MGAT4C: variants seen among roughly 807,000 people sequenced by gnomAD.
MGAT4C encodes MGAT4 family member C.
In MGAT4C, 19 loss-of-function variants were observed where a neutral mutation model predicts 40.1. The observed-to-expected ratio is 0.47, with a 90% CI of 0.33 to 0.70. The LOEUF (loss-of-function observed/expected upper bound fraction) is 0.70, where lower values mean the gene tolerates loss of function less well. MGAT4C is among the 30% of genes least tolerant of loss of function. The pLI is 0.02. For missense variants in MGAT4C, 491 were observed against 563.2 expected, an observed-to-expected ratio of 0.87 and a Z score of 1.30; for synonymous variants, 181 against 187.1, an observed-to-expected ratio of 0.97 and a Z score of 0.27.
intron 2 of MGAT4C, among the ~76,000 whole-genome samples, chr12:86,701,684 C>T (rs1186430341): frequency 6.6e-6 from 1 of 152,098 alleles, no homozygotes; most frequent in African/African-American, 2.4e-5. Context: ...CAAAGCTAGA[C>T]ATGAGTAAGC....
At chr12:86,341,174 C>T (rs1954897515) in intron 3 of MGAT4C, among the ~76,000 whole-genome samples, 1 of 152,106 alleles carries the variant, frequency 6.6e-6, no homozygotes. Context: ...CAATGGCCCA[C>T]CTGGCAGCAA....
chr12:86,137,088 T>C (rs1055059516), intron 1 of MGAT4C, among the ~76,000 whole-genome samples: 1 of 152,214 alleles, frequency 6.6e-6, no homozygotes, highest in Non-Finnish European at 1.5e-5. Flanking sequence ...CTGTTTAGTG[T>C]CTGTCAGGAT....
chr12:86,002,708 A>G (rs1887459932), intron 2 of MGAT4C, among the ~76,000 whole-genome samples: 1 of 149,418 alleles, frequency 6.7e-6, no homozygotes, highest in Admixed American at 6.7e-5. Context: ...TATATAGAAT[A>G]TATATTACAT....
chr12:86,152,767 C>T lies in MGAT4C; in HGVS notation c.-56-103044G>A, dbSNP rs139562354. ...GAAATATGAGAGTATGTAGTTCTAG[C>T]CAAGTAATGTCCTTGTTAACACATA... is the stretch of plus-strand genomic sequence containing the variant. On this transcript the variant is annotated intron_variant, in intron 1 of 4. Coordinates refer to ENST00000611864, the MANE Select transcript of MGAT4C (RefSeq NM_001351288.2). Among the ~76,000 whole-genome samples, 60 of 152,302 alleles carry T rather than the reference C, an allele frequency of 3.9e-4. 1 individual carries two copies. In the East Asian group the frequency reaches 0.01, roughly 26 times the overall value.
At chr12:86,545,066 T>G (rs1959186309) in intron 2 of MGAT4C, among the ~76,000 whole-genome samples, 1 of 152,016 alleles carries the variant, frequency 6.6e-6, no homozygotes. Flanking sequence ...TTCATAAATA[T>G]TTCTCGCTAT....
chr12:86,722,979 A>G (rs1200204301), intron 2 of MGAT4C, among the ~76,000 whole-genome samples: 2 of 152,118 alleles, frequency 1.3e-5, no homozygotes, highest in Non-Finnish European at 2.9e-5. Flanking sequence ...CGTCCTATTA[A>G]TTATTTGTGT....
intron 2 of MGAT4C, among the ~76,000 whole-genome samples, chr12:85,990,418 T>C (rs1469944926): frequency 6.6e-6 from 1 of 152,198 alleles, no homozygotes; most frequent in Admixed American, 6.5e-5. Flanking sequence ...AATCAACACA[T>C]TGATAACCTG....
chr12:86,227,395 T>C (rs527458897), intron 1 of MGAT4C, among the ~76,000 whole-genome samples: 1 of 152,006 alleles, frequency 6.6e-6, no homozygotes, highest in East Asian at 1.9e-4. Flanking sequence ...TGACTTACTA[T>C]TTCTCTCTGT....
At chr12:86,521,767 C>CT (rs1476426618) in intron 2 of MGAT4C, among the ~76,000 whole-genome samples, 1 of 151,882 alleles carries the variant, frequency 6.6e-6, no homozygotes, top group African/African-American at 2.4e-5. Context: ...GTTGTCATTC[C>CT]TTTTTTTCCT....
chr12:85,980,006 G>A lies in MGAT4C; in HGVS notation c.720C>T (p.Val240=). ...AGTAAGTTCCTTCTAGGGATGCAATGACTTTCTTGATGGCAGTTAAGAAAT... is the reference window on the plus strand; with the variant it reads ...AGTAAGTTCCTTCTAGGGATGCAATAACTTTCTTGATGGCAGTTAAGAAAT... The part of the protein sequence containing the change: ...SKNFLTAIKK[V]IASLEGTYWV... Residue 240 remains valine (V), a synonymous_variant, in exon 5 of 5, where the codon GTC becomes GTT. Transcript: ENST00000611864. 2 of 1,613,576 alleles carry A rather than the reference G, an allele frequency of 1.2e-6. No homozygotes were observed. The highest frequency in any genetic ancestry group is 1.7e-6 in the Non-Finnish European group (2 of 1,179,764).
intron 2 of MGAT4C, among the ~76,000 whole-genome samples, chr12:86,702,183 T>G (rs1305589847): frequency 6.6e-6 from 1 of 150,716 alleles, no homozygotes; most frequent in Non-Finnish European, 1.5e-5. Flanking sequence ...TGCAAGTGCA[T>G]GCCACCACAC....
At chr12:86,834,136 C>A in intron 1 of MGAT4C, among the ~76,000 whole-genome samples, 1 of 151,036 alleles carries the variant, frequency 6.6e-6, no homozygotes, top group Admixed American at 6.6e-5. Flanking sequence ...CTCTATCTGT[C>A]TATATACTTA....
At chr12:86,427,355 A>G (rs1482660579) in intron 3 of MGAT4C, among the ~76,000 whole-genome samples, 1 of 152,076 alleles carries the variant, frequency 6.6e-6, no homozygotes, top group Non-Finnish European at 1.5e-5. Context: ...TAACAATTTT[A>G]ATTAAGATAA....
Position 86,519,057 on chromosome 12 carries a change from T to G in MGAT4C, c.-228-83792A>C, listed in dbSNP as rs1958746593. ...CTAAGTCTGAATGGAAGGCGGAGAT[T>G]GTCTGAAAAGAAATACAAGGAAATT... On this transcript the variant is annotated intron_variant, in intron 2 of 7. Coordinates refer to the MGAT4C transcript ENST00000548651. 3.9e-5 allele frequency among the ~76,000 whole-genome samples: 6 copies of G among 152,242 alleles called. No homozygotes were observed. In the South Asian group the frequency reaches 1.2e-3, roughly 32 times the overall value.
chr12:86,253,547 G>A (rs149688474), intron 1 of MGAT4C, among the ~76,000 whole-genome samples: 4 of 151,962 alleles, frequency 2.6e-5, no homozygotes, highest in African/African-American at 9.6e-5. Flanking sequence ...AGAATTAATT[G>A]TATATATACA....
chr12:86,225,599 G>A (rs1419384180), intron 1 of MGAT4C, among the ~76,000 whole-genome samples: 1 of 152,028 alleles, frequency 6.6e-6, no homozygotes, highest in African/African-American at 2.4e-5. Context: ...AATGCACCAT[G>A]ATAAAGTGTG....
At chr12:86,147,544 T>C (rs764044349) in intron 1 of MGAT4C, among the ~76,000 whole-genome samples, 1 of 152,162 alleles carries the variant, frequency 6.6e-6, no homozygotes, top group Non-Finnish European at 1.5e-5. Flanking sequence ...CCTGGCCTAT[T>C]AAATGTTTTA....
chr12:86,686,084 T>G (rs1950067869), intron 2 of MGAT4C, among the ~76,000 whole-genome samples: 1 of 151,962 alleles, frequency 6.6e-6, no homozygotes, highest in South Asian at 2.1e-4. Flanking sequence ...TTTCACCGTG[T>G]TAGTCAGGAT....
At chr12:86,676,953 A>C (rs2136572514) in intron 2 of MGAT4C, among the ~76,000 whole-genome samples, 2 of 152,282 alleles carry the variant, frequency 1.3e-5, no homozygotes, top group South Asian at 2.1e-4. Flanking sequence ...TCTTTTAAAT[A>C]TTTCTAGACA....
Sources: allele counts gnomAD v4.1 joint callset (sites outside exome capture counted in the v4.1 genomes callset), GRCh38; gene constraint gnomAD v4.1.1; transcripts MANE v1.5; gene names NCBI Gene and HGNC (gene_info 2026-07-23, HGNC 2026-07-21).